KIR3DL2: variants seen among roughly 807,000 people sequenced by gnomAD.
KIR3DL2 encodes the protein killer cell immunoglobulin-like receptor 3DL2.
In KIR3DL2, 42 loss-of-function variants were observed where a neutral mutation model predicts 41.6. The ratio of observed to expected loss-of-function variants is 1.01; its 90% CI spans 0.79 to 1.31. KIR3DL2 has a LOEUF of 1.31. Ranked by LOEUF, KIR3DL2 falls within the 50% of genes most tolerant of loss-of-function variation. The pLI is 0.00. For synonymous variants in KIR3DL2, 230 were observed against 221.3 expected (o/e 1.04, Z -0.35); for missense variants, 728 against 576.8 (o/e 1.26, Z -2.68).
chr19:54,851,118 G>C lies in KIR3DL2; in HGVS notation c.35-102G>C, dbSNP rs372776449. ...AGCAGGGAGGCTAAGTTTACCTTCA[G>C]CCCAGCAAGGGCCTGGCTGCCAAGA... On this transcript the variant is annotated intron_variant, in intron 1 of 8. Transcript: ENST00000326321. 9 of 1,451,930 alleles carry C rather than the reference G, an allele frequency of 6.2e-6. No homozygotes were observed. The East Asian group carries it at 1.6e-4, about 26-fold the overall frequency. The allele number at this position is 1,451,930 out of a possible 1,614,324, so 89.9% of individuals were successfully genotyped here. A position where few individuals can be genotyped will look rare whatever the true frequency, so the allele number is the denominator to read the frequency against.
intron 3 of KIR3DL2, among the ~76,000 whole-genome samples, 166 bp downstream of exon 3, chr19:54,852,448 G>A (rs375449462): frequency 2.7e-5 from 4 of 146,732 alleles, no homozygotes; most frequent in Non-Finnish European, 4.6e-5. Flanking sequence ...AATAACTGTC[G>A]CCAATGATGG....
chr19:54,866,714 C>A lies in KIR3DL2; in HGVS notation c.1351C>A (p.Leu451Ile), dbSNP rs1351080488. ...CTGCCCACGAGCACCACAGTCAGGT[C>A]TTGAGGGGGTTTTCTAGGGAGACAA... Reference protein sequence around the residue: ...VSCPRAPQSGLEGVF With the variant: ...VSCPRAPQSGIEGVF Residue 451 changes from leucine to isoleucine, a missense_variant, in exon 9 of 9, where the codon CTT (leucine) becomes ATT (isoleucine). Transcript: ENST00000326321. The A allele has an allele frequency of 1.9e-6, 3 of 1,613,938 alleles. No homozygotes were observed. The highest frequency in any genetic ancestry group is 2.5e-6 in the Non-Finnish European group (3 of 1,179,944).
At chr19:54,851,347 A>C (rs1425970502) in intron 2 of KIR3DL2, 92 bp downstream of exon 2, 158 of 1,415,040 alleles carry the variant, frequency 1.1e-4, no homozygotes, top group Non-Finnish European at 1.5e-4. Flanking sequence ...AGTCTCTCAT[A>C]AACTAGGAAG....
At chr19:54,853,551 A>C (rs2064473518) in intron 3 of KIR3DL2, among the ~76,000 whole-genome samples, 196 bp from the exon 4 acceptor site, 1 of 151,630 alleles carries the variant, frequency 6.6e-6, no homozygotes, top group African/African-American at 2.4e-5. Context: ...GGGCTACTGG[A>C]GACAGAGGGA....
intron 1 of KIR3DL2, 52 bp from the exon 2 acceptor site, chr19:54,851,168 G>T: frequency 1.2e-6 from 2 of 1,605,178 alleles, no homozygotes; most frequent in Non-Finnish European, 1.7e-6. Context: ...GGGGCAGCAG[G>T]GTGCCCTGGT....
intron 6 of KIR3DL2, among the ~76,000 whole-genome samples, chr19:54,859,871 TGG>T (rs2065052178): frequency 6.6e-6 from 1 of 152,068 alleles, no homozygotes; most frequent in African/African-American, 2.4e-5. Context: ...CCATGTTCCT[TGG>T]CTCCTGGTAC....
chr19:54,852,145 G>GCAGAATATTC lies in KIR3DL2; in HGVS notation c.222_231dup (p.Glu78AsnfsTer77). On this transcript the variant is annotated frameshift_variant, in exon 3 of 9. Transcript: ENST00000326321. LOFTEE classifies it high-confidence loss of function. Reference sequence around the variant, plus strand: ...AGAAGCCACGTTCCCATCTTCCACGGCAGAATATTCCAGGAGAGCTTCATC... The same window carrying GCAGAATATTC: ...AGAAGCCACGTTCCCATCTTCCACGGCAGAATATTCCAGAATATTCCAGGAGAGCTTCATC... 6.2e-7 allele frequency: 1 copy of GCAGAATATTC among 1,612,976 alleles called. No individual in the cohort carries two copies. The highest frequency in any genetic ancestry group is 1.1e-5 in the South Asian group (1 of 91,070).
At position 54,852,028 on chromosome 19, in the gene KIR3DL2, G is replaced by C. The variant is rs750759932; in HGVS notation, c.101G>C (p.Arg34Pro). 6.2e-7 allele frequency: 1 copy of C among 1,611,312 alleles called. No individual in the cohort carries two copies. Among genetic ancestry groups the C allele is most frequent in the Non-Finnish European group, 8.5e-7 (1 of 1,178,614 alleles). ...GGQDKPFLSA[R>P]PSTVVPRGGH... is the part of the protein sequence containing the mutation. ...CAGGACAAACCCTTCCTGTCTGCCC[G>C]GCCCAGCACTGTGGTGCCTCGAGGA... The change falls in exon 3 of 9, where the codon CGG becomes CCG. Residue 34 changes from arginine (R) to proline (P), a missense_variant. By Grantham distance (103) the Arg-to-Pro change is moderately radical. Coordinates refer to ENST00000326321, the MANE Select transcript of KIR3DL2 (RefSeq NM_006737.4).
rs2065518282 is a variant in KIR3DL2 at position 54,866,390 on chromosome 19, G to T, written c.1126G>T (p.Glu376Ter). ...TACAGATGCTGCTGTAATGGACCAA[G>T]AGCCTGCGGGGGACAGAACAGTGAA... Reference protein sequence around the residue: ...NKKNAAVMDQEPAGDRTVNRQ... With the variant: ...NKKNAAVMDQ Residue 376 changes from glutamate to a stop codon, truncating the protein, a stop_gained, in exon 8 of 9, where the codon GAG becomes TAG. Transcript: ENST00000326321. LOFTEE classifies it low-confidence loss of function (END_TRUNC). 6.2e-7 allele frequency: 1 copy of T among 1,613,846 alleles called. No individual in the cohort carries two copies.
Position 54,855,697 on chromosome 19 carries a change from G to C in KIR3DL2, c.734G>C (p.Ser245Thr), listed in dbSNP as rs1157201541. 1.2e-6 allele frequency: 2 copies of C among 1,613,566 alleles called. No homozygotes were observed. Among genetic ancestry groups the C allele is most frequent in the South Asian group, 1.1e-5 (1 of 91,088 alleles). ...QAGENVTLSCSSWSSYDIYHL... is the reference protein window; with the variant it reads ...QAGENVTLSCTSWSSYDIYHL... The stretch of plus-strand genomic sequence containing the variant: ...GGAGAGAACGTGACCTTGTCCTGTA[G>C]CTCCTGGAGCTCCTATGACATCTAC... The change falls in exon 5 of 9, where the codon AGC becomes ACC. Residue 245 changes from serine (S) to threonine (T), a missense_variant. Coordinates refer to ENST00000326321, the MANE Select transcript of KIR3DL2 (RefSeq NM_006737.4).
rs1212202153 is a variant in KIR3DL2, at chr19:54,851,249, C to T, written c.64C>T (p.Leu22Phe). 5.6e-6 allele frequency: 9 copies of T among 1,609,308 alleles called. No homozygotes were observed. In the Admixed American group the frequency reaches 8.4e-5, roughly 15 times the overall value. ...CTTCTTGCTGCAGGGGGCCTGGCCA[C>T]TCATGGGTGAGTCCGTCCCCAAACC... is the stretch of plus-strand genomic sequence containing the variant. Reference protein sequence around the residue: ...GFFLLQGAWPLMGGQDKPFLS... With the variant: ...GFFLLQGAWPFMGGQDKPFLS... The change falls in exon 2 of 9, where the codon CTC becomes TTC. Residue 22 changes from leucine to phenylalanine, a missense_variant. By Grantham distance (22) the Leu-to-Phe change is conservative. Transcript: ENST00000326321.
intron 6 of KIR3DL2, among the ~76,000 whole-genome samples, chr19:54,863,983 GT>G (rs1453163365): frequency 1.3e-5 from 2 of 152,046 alleles, no homozygotes; most frequent in Admixed American, 1.3e-4. Flanking sequence ...GGTTTTTATG[GT>G]TTTAGGTCTA....
intron 6 of KIR3DL2, among the ~76,000 whole-genome samples, chr19:54,860,456 C>T (rs1275992251): frequency 6.6e-6 from 1 of 151,998 alleles, no homozygotes; most frequent in Non-Finnish European, 1.5e-5. Flanking sequence ...CTGCAACCTC[C>T]ACCTCCTGGG....
chr19:54,865,086 A>C (rs1356135212), intron 6 of KIR3DL2, among the ~76,000 whole-genome samples: 8 of 152,006 alleles, frequency 5.3e-5, no homozygotes, highest in African/African-American at 1.7e-4. Context: ...GAATTTTGTC[A>C]AAGGCCTTTT....
intron 3 of KIR3DL2, among the ~76,000 whole-genome samples, chr19:54,853,486 AAG>A (rs1173333794): frequency 1.3e-5 from 2 of 151,736 alleles, no homozygotes; most frequent in Non-Finnish European, 2.9e-5. Context: ...ACTAGTGGGA[AAG>A]AGATACAACA....
In KIR3DL2 at chr19:54,866,758, A is replaced by C. The variant is rs542413650; in HGVS notation, c.*27A>C. Reference sequence around the variant, plus strand: ...GAGACAACAGCCCTGTCTCAAAACCAGGTTGCCAGATCCAATGAACCAGCA... The same window carrying C: ...GAGACAACAGCCCTGTCTCAAAACCCGGTTGCCAGATCCAATGAACCAGCA... On this transcript the variant is annotated 3_prime_UTR_variant, in exon 9 of 9. Coordinates refer to ENST00000326321, the MANE Select transcript of KIR3DL2 (RefSeq NM_006737.4). The C allele has an allele frequency of 1.8e-5, 29 of 1,609,394 alleles. No homozygotes were observed. In the Admixed American group the frequency reaches 3.2e-4, roughly 18 times the overall value.
At chr19:54,863,553 T>C (rs1238847850) in intron 6 of KIR3DL2, among the ~76,000 whole-genome samples, 1 of 152,142 alleles carries the variant, frequency 6.6e-6, no homozygotes, top group African/African-American at 2.4e-5. Flanking sequence ...CCATTCTAAC[T>C]GGTGTGAGAT....
rs1175200652 is a variant in KIR3DL2 at position 54,856,900 on chromosome 19, C to CGT, written c.949+997_949+998dup. Among the ~76,000 whole-genome samples, 11 of 144,666 alleles carry CGT rather than the reference C, an allele frequency of 7.6e-5. No homozygotes were observed. In the East Asian group the frequency reaches 1.6e-3, roughly 21 times the overall value. The allele number at this position is 144,666 out of a possible 152,430, so 94.9% of individuals were successfully genotyped here. ...GTTTCTATGGATGAGTAGTCTCCAC[C>CGT]GTGTGTGTGTACTACAGTTCTCTAT... is the stretch of plus-strand genomic sequence containing the variant. On this transcript the variant is annotated intron_variant, in intron 5 of 8. Coordinates refer to ENST00000326321, the MANE Select transcript of KIR3DL2 (RefSeq NM_006737.4).
intron 6 of KIR3DL2, among the ~76,000 whole-genome samples, chr19:54,863,248 T>G (rs2065302015): frequency 6.6e-6 from 1 of 151,952 alleles, no homozygotes; most frequent in Non-Finnish European, 1.5e-5. Flanking sequence ...CTTCATCCAG[T>G]CTATCATTGT....
Sources: gnomAD v4.1 joint callset for allele counts (sites outside exome capture counted in the v4.1 genomes callset) on GRCh38, gnomAD v4.1.1 for gene constraint, MANE v1.5 for transcripts, NCBI Gene and HGNC (gene_info 2026-07-23, HGNC 2026-07-21) for gene names.